TCF7L2: variants seen among roughly 807,000 people sequenced by gnomAD.
TCF7L2 encodes transcription factor 7 like 2.
A neutral mutation model predicts 77.9 loss-of-function variants in TCF7L2; 23 were observed. The ratio of observed to expected loss-of-function variants is 0.30; its 90% CI spans 0.21 to 0.42. TCF7L2 has a LOEUF of 0.42. TCF7L2 is among the 10% of genes least tolerant of loss of function. TCF7L2 has a pLI of 1.00. For missense variants in TCF7L2, 654 were observed against 793.1 expected, an observed-to-expected ratio of 0.82 and a Z score of 2.11; for synonymous variants, 413 against 340.2, an observed-to-expected ratio of 1.21 and a Z score of -2.36.
chr10:112,966,663 T>A (rs1156266977), intron 4 of TCF7L2, among the ~76,000 whole-genome samples: 2 of 152,210 alleles, frequency 1.3e-5, no homozygotes, highest in African/African-American at 4.8e-5. Flanking sequence ...ACTGGGAGAC[T>A]AGCCCAGACC....
At chr10:113,108,808 G>C (rs191730570) in intron 5 of TCF7L2, among the ~76,000 whole-genome samples, 1 of 152,318 alleles carries the variant, frequency 6.6e-6, no homozygotes, top group Admixed American at 6.5e-5. Flanking sequence ...AAAAGCATTT[G>C]TTCAAAAATC....
chr10:113,127,960 T>C (rs1033866922), intron 5 of TCF7L2, among the ~76,000 whole-genome samples: 1 of 151,672 alleles, frequency 6.6e-6, no homozygotes, highest in Non-Finnish European at 1.5e-5. Context: ...TTGCCGCACT[T>C]TATAAGTTAT....
chr10:113,070,916 G>T (rs147051615), intron 5 of TCF7L2, among the ~76,000 whole-genome samples: 2 of 152,180 alleles, frequency 1.3e-5, no homozygotes, highest in East Asian at 1.9e-4. Context: ...CAAAACCCCC[G>T]TGTCTCCTAG....
intron 5 of TCF7L2, chr10:113,126,748 G>A (rs1330070236): frequency 2.0e-6 from 2 of 985,714 alleles, no homozygotes; most frequent in Middle Eastern, 5.2e-4. Context: ...GCGCGGCGGC[G>A]GCGCGGGCTG....
intron 8 of TCF7L2, among the ~76,000 whole-genome samples, chr10:113,148,777 A>ACAT (rs2070066983): frequency 1.3e-5 from 2 of 152,248 alleles, no homozygotes; most frequent in South Asian, 4.1e-4. Context: ...TATACAGCCC[A>ACAT]CATCCATGTT....
intron 5 of TCF7L2, chr10:113,129,730 A>G (rs1409194927): frequency 2.4e-6 from 3 of 1,234,026 alleles, no homozygotes; most frequent in Admixed American, 6.2e-5. Flanking sequence ...AAAGGTTTAA[A>G]GGGAGGGGAA....
At chr10:113,016,990 C>A (rs13376896) in intron 4 of TCF7L2, among the ~76,000 whole-genome samples, 73 of 152,236 alleles carry the variant, frequency 4.8e-4, no homozygotes, top group African/African-American at 1.7e-3. Context: ...AGGCTCATGT[C>A]CAGTTTGCAA....
chr10:112,983,035 AT>A (rs541420139), intron 4 of TCF7L2, among the ~76,000 whole-genome samples: 161 of 152,248 alleles, frequency 1.1e-3, no homozygotes, highest in African/African-American at 3.6e-3. Context: ...ACTTATAATT[AT>A]TATTTAGCTT....
intron 4 of TCF7L2, among the ~76,000 whole-genome samples, chr10:113,007,872 T>TGTC (rs2045836928): frequency 6.6e-6 from 1 of 152,224 alleles, no homozygotes; most frequent in African/African-American, 2.4e-5. Context: ...TCTGCCTGCC[T>TGTC]TTTGGCGTGG....
At chr10:113,099,552 A>C (rs1696750062) in intron 5 of TCF7L2, among the ~76,000 whole-genome samples, 1 of 152,162 alleles carries the variant, frequency 6.6e-6, no homozygotes, top group Admixed American at 6.6e-5. Context: ...TTCAGAGCTT[A>C]TGCTTTCTTA....
intron 4 of TCF7L2, among the ~76,000 whole-genome samples, chr10:112,998,077 G>A (rs911460071): frequency 1.8e-4 from 28 of 151,576 alleles, no homozygotes; most frequent in Non-Finnish European, 4.4e-5. Context: ...GAGGTGGGGA[G>A]GAGGGGCCCA....
rs10665742 is a variant in TCF7L2, at chr10:113,166,466, T to TC, written c.*495dup. On this transcript the variant is annotated 3_prime_UTR_variant, in exon 14 of 14. Coordinates refer to ENST00000627217, the MANE Select transcript of TCF7L2 (RefSeq NM_001146274.2). ...AGTGCCGTTACTTTTTTTTTTTTTT[T>TC]CTGTGTGAAACAACTCTTATTGTGA... The TC allele has an allele frequency of 1.1e-4, 25 of 221,382 alleles. No individual in the cohort carries two copies. The highest frequency in any genetic ancestry group is 4.0e-4 in the African/African-American group (18 of 44,528). The allele number at this position is 221,382 out of a possible 1,614,324, so 13.7% of individuals were successfully genotyped here.
At chr10:112,993,305 AGGTCAGCCTGGCCAACAT>A (rs1344873729) in intron 4 of TCF7L2, among the ~76,000 whole-genome samples, 1 of 151,732 alleles carries the variant, frequency 6.6e-6, no homozygotes, top group Non-Finnish European at 1.5e-5. Context: ...GGATCACTTG[AGGTCAGCCTGGCCAACAT>A]GGTAAAACCC....
intron 4 of TCF7L2, among the ~76,000 whole-genome samples, chr10:112,965,938 C>T (rs2036661306): frequency 6.6e-6 from 1 of 151,712 alleles, no homozygotes; most frequent in Non-Finnish European, 1.5e-5. Flanking sequence ...CTTTGGGAGG[C>T]TGAGGCGGGC....
At chr10:113,161,804 C>T (rs772462241) in intron 13 of TCF7L2, among the ~76,000 whole-genome samples, 14 of 152,138 alleles carry the variant, frequency 9.2e-5, no homozygotes, top group Non-Finnish European at 1.8e-4. Flanking sequence ...TGAAGTGCCT[C>T]GTGTTGACCC....
chr10:113,080,330 C>T (rs2059196792), intron 5 of TCF7L2, among the ~76,000 whole-genome samples: 1 of 151,808 alleles, frequency 6.6e-6, no homozygotes, highest in South Asian at 2.1e-4. Flanking sequence ...GCAGCTACCA[C>T]ATCACCAAAG....
At chr10:113,034,461 A>G (rs530178774) in intron 4 of TCF7L2, among the ~76,000 whole-genome samples, 1 of 152,336 alleles carries the variant, frequency 6.6e-6, no homozygotes, top group Non-Finnish European at 1.5e-5. Context: ...ATGATGGGCT[A>G]TGGCTGGCTA....
At chr10:113,107,934 C>G (rs1284559427) in intron 5 of TCF7L2, among the ~76,000 whole-genome samples, 1 of 151,932 alleles carries the variant, frequency 6.6e-6, no homozygotes, top group Non-Finnish European at 1.5e-5. Flanking sequence ...CATTAGGTTC[C>G]TTAATAAAAA....
chr10:113,065,741 T>C (rs1303411647), intron 5 of TCF7L2, among the ~76,000 whole-genome samples: 1 of 152,102 alleles, frequency 6.6e-6, no homozygotes, highest in African/African-American at 2.4e-5. Context: ...TCCTTATCTG[T>C]AAAGTAAGGA....
Sources: allele counts gnomAD v4.1 joint callset (sites outside exome capture counted in the v4.1 genomes callset), GRCh38; gene constraint gnomAD v4.1.1; transcripts MANE v1.5; gene names NCBI Gene and HGNC (gene_info 2026-07-23, HGNC 2026-07-21).